The following PPP2R5A variants were observed in gnomAD, a reference collection of about 807,000 sequenced individuals.
PPP2R5A encodes serine/threonine-protein phosphatase 2A 56 kDa regulatory subunit alpha isoform.
In PPP2R5A, 25 loss-of-function variants were observed where a neutral mutation model predicts 64.2. That is an observed-to-expected ratio of 0.39 (90% CI 0.28 to 0.54). The LOEUF is 0.54. Among genes scored for constraint, PPP2R5A ranks in the 20% least tolerant of loss-of-function variants. PPP2R5A has a pLI of 0.67. For synonymous variants in PPP2R5A, 198 were observed against 201.2 expected (o/e 0.98, Z 0.13); for missense variants, 425 against 576.3 (o/e 0.74, Z 2.69).
At chr1:212,340,144 T>A (rs561301331) in intron 3 of PPP2R5A, among the ~76,000 whole-genome samples, 30 of 151,430 alleles carry the variant, frequency 2.0e-4, no homozygotes, top group Non-Finnish European at 3.4e-4. Context: ...TAAATAAATA[T>A]ATATATTTTT....
chr1:212,290,688 ATTG>A (rs1216378712), intron 1 of PPP2R5A, among the ~76,000 whole-genome samples: 1 of 152,048 alleles, frequency 6.6e-6, no homozygotes, highest in Non-Finnish European at 1.5e-5. Context: ...ACCTTATCTG[ATTG>A]TTAATTGTGG....
intron 1 of PPP2R5A, among the ~76,000 whole-genome samples, chr1:212,309,714 A>G (rs907027136): frequency 6.6e-6 from 1 of 152,140 alleles, no homozygotes; most frequent in African/African-American, 2.4e-5. Context: ...TTAACTGGAC[A>G]TTTAAAATAA....
intron 1 of PPP2R5A, among the ~76,000 whole-genome samples, chr1:212,320,851 G>A (rs1270559058): frequency 4.9e-5 from 7 of 141,476 alleles, no homozygotes; most frequent in South Asian, 2.3e-4. Flanking sequence ...GCGGCTGGCC[G>A]GGCAGAGGGG....
At chr1:212,302,046 C>A in intron 1 of PPP2R5A, 1 of 1,525,478 alleles carries the variant, frequency 6.6e-7, no homozygotes. Context: ...TAGTTTATCA[C>A]TGATTTAATG....
At chr1:212,289,633 A>C (rs1029995896) in intron 1 of PPP2R5A, among the ~76,000 whole-genome samples, 3 of 152,146 alleles carry the variant, frequency 2.0e-5, no homozygotes, top group Non-Finnish European at 4.4e-5. Context: ...CTTATCTGTA[A>C]AATGGGGATA....
intron 4 of PPP2R5A, among the ~76,000 whole-genome samples, chr1:212,343,031 T>A (rs1226633584): frequency 6.6e-6 from 1 of 152,062 alleles, no homozygotes; most frequent in African/African-American, 2.4e-5. Context: ...CACTTCATCC[T>A]CCGCCTCCTG....
intron 1 of PPP2R5A, among the ~76,000 whole-genome samples, chr1:212,286,568 C>T (rs1392641380): frequency 4.6e-5 from 7 of 152,230 alleles, no homozygotes; most frequent in Non-Finnish European, 5.9e-5. Context: ...CTTGCTTAAC[C>T]TGCACTTCCT....
chr1:212,342,804 G>C (rs1462679529), intron 4 of PPP2R5A, among the ~76,000 whole-genome samples: 3 of 151,518 alleles, frequency 2.0e-5, no homozygotes, highest in Non-Finnish European at 4.4e-5. Context: ...AGATAAAGTG[G>C]AATCATTAAG....
chr1:212,337,083 T>C (rs1160206831), intron 3 of PPP2R5A, among the ~76,000 whole-genome samples: 1 of 152,128 alleles, frequency 6.6e-6, no homozygotes, highest in South Asian at 2.1e-4. Flanking sequence ...TAAAAAGAGA[T>C]AGAAGAAAGG....
At chr1:212,301,158 G>A (rs893603581) in intron 1 of PPP2R5A, among the ~76,000 whole-genome samples, 28 of 152,132 alleles carry the variant, frequency 1.8e-4, no homozygotes, top group African/African-American at 5.3e-4. Flanking sequence ...TTACAGGTAC[G>A]AGCCACCACG....
At chr1:212,301,798 G>C in intron 1 of PPP2R5A, 1 of 1,121,352 alleles carries the variant, frequency 8.9e-7, no homozygotes, top group Non-Finnish European at 1.1e-6. Flanking sequence ...TGGTATTGCT[G>C]GGTTGCTATG....
chr1:212,304,973 CA>C (rs1466855875), intron 1 of PPP2R5A, among the ~76,000 whole-genome samples: 1 of 151,398 alleles, frequency 6.6e-6, no homozygotes, highest in African/African-American at 2.4e-5. Context: ...CCTCATTAGC[CA>C]CCCACCCCTG....
chr1:212,349,148 G>T, intron 7 of PPP2R5A, 41 bp from the exon 8 acceptor site: 2 of 1,328,034 alleles, frequency 1.5e-6, no homozygotes, highest in Non-Finnish European at 2.0e-6. Flanking sequence ...ATTATTAAAT[G>T]TTATCTCACT....
intron 1 of PPP2R5A, among the ~76,000 whole-genome samples, chr1:212,322,936 C>T (rs978425592): frequency 7.2e-5 from 11 of 152,204 alleles, no homozygotes; most frequent in African/African-American, 2.6e-4. Flanking sequence ...CAGGTGCCTG[C>T]CACCATGCCC....
intron 5 of PPP2R5A, among the ~76,000 whole-genome samples, chr1:212,346,605 G>A (rs74226135): frequency 1.3e-5 from 2 of 151,928 alleles, no homozygotes; most frequent in South Asian, 4.2e-4. Flanking sequence ...ATCTGTAGTT[G>A]GTTGAATGCA....
At chr1:212,309,615 A>T (rs867036098) in intron 1 of PPP2R5A, 2 of 594,228 alleles carry the variant, frequency 3.4e-6, no homozygotes, top group Non-Finnish European at 6.0e-6. Context: ...TAAATCCAAC[A>T]TACGGTCACT....
At chr1:212,287,026 G>T (rs1268436564) in intron 1 of PPP2R5A, among the ~76,000 whole-genome samples, 4 of 152,208 alleles carry the variant, frequency 2.6e-5, no homozygotes, top group East Asian at 3.8e-4. Context: ...TTGCTTTGCA[G>T]TCGAATGGGA....
rs1659696970 is a variant in PPP2R5A at position 212,342,182 on chromosome 1, T to C, written c.481-6T>C. 1.2e-6 allele frequency: 2 copies of C among 1,612,342 alleles called. No homozygotes were observed. Among genetic ancestry groups the C allele is most frequent in the African/African-American group, 1.3e-5 (1 of 74,876 alleles). On this transcript the variant is annotated splice_region_variant and splice_polypyrimidine_tract_variant and intron_variant, in intron 3 of 12. Transcript: ENST00000261461. ...ATCTTAGCCTTTATTTGACTTTCTC[T>C]CATAGTTGGTATATGAATTCTTCTT...
At chr1:212,317,079 C>G (rs1191341951) in intron 1 of PPP2R5A, among the ~76,000 whole-genome samples, 2 of 152,086 alleles carry the variant, frequency 1.3e-5, no homozygotes, top group East Asian at 3.9e-4. Context: ...TCTGTAGGAC[C>G]CTTGCCTGTA....
Sources: gnomAD v4.1 joint callset for allele counts (sites outside exome capture counted in the v4.1 genomes callset) on GRCh38, gnomAD v4.1.1 for gene constraint, MANE v1.5 for transcripts, NCBI Gene and HGNC (gene_info 2026-07-23, HGNC 2026-07-21) for gene names.